The following PBX1 variants were observed in gnomAD, a reference collection of about 807,000 sequenced individuals.
The protein encoded by PBX1 is PBX homeobox 1, also known as pre-B-cell leukemia transcription factor 1.
A neutral mutation model predicts 53.4 loss-of-function variants in PBX1; 6 were observed. The observed-to-expected ratio is 0.11, with a 90% confidence interval of 0.06 to 0.22. The LOEUF is 0.22. PBX1 is among the 10% of genes least tolerant of loss of function. The pLI is 1.00. For missense variants in PBX1, 251 were observed against 551.4 expected, an observed-to-expected ratio of 0.46 and a Z score of 5.46; for synonymous variants, 204 against 212.3, an observed-to-expected ratio of 0.96 and a Z score of 0.34.
At chr1:164,827,365 C>T (rs1243094455) in intron 8 of PBX1, among the ~76,000 whole-genome samples, 2 of 152,142 alleles carry the variant, frequency 1.3e-5, no homozygotes. Context: ...CCCAGATGTG[C>T]CCCCCAGTTG....
chr1:164,767,118 C>G (rs1667098755), intron 2 of PBX1, among the ~76,000 whole-genome samples: 1 of 152,010 alleles, frequency 6.6e-6, no homozygotes, highest in Admixed American at 6.6e-5. Flanking sequence ...AGAGAATATG[C>G]CTTAACTGTG....
At chr1:164,602,648 G>A (rs1656253073) in intron 2 of PBX1, among the ~76,000 whole-genome samples, 1 of 150,340 alleles carries the variant, frequency 6.7e-6, no homozygotes, top group Admixed American at 6.6e-5. Context: ...CTCTTGACTG[G>A]CTGTTTATCT....
intron 2 of PBX1, among the ~76,000 whole-genome samples, chr1:164,884,894 A>G (rs540129691): frequency 2.5e-4 from 38 of 152,374 alleles, no homozygotes; most frequent in African/African-American, 9.1e-4. Flanking sequence ...AGCTAGGTAT[A>G]TATATGACAA....
chr1:164,643,253 C>T (rs1452587869), intron 2 of PBX1, among the ~76,000 whole-genome samples: 1 of 152,104 alleles, frequency 6.6e-6, no homozygotes, highest in Non-Finnish European at 1.5e-5. Context: ...TCCCTACCCC[C>T]GTGACAGGGT....
chr1:164,602,606 C>T (rs1462012886), intron 2 of PBX1, among the ~76,000 whole-genome samples: 7 of 151,856 alleles, frequency 4.6e-5, no homozygotes, highest in Non-Finnish European at 1.5e-5. Context: ...CCTACATGTA[C>T]CTGCACCCCA....
intron 2 of PBX1, among the ~76,000 whole-genome samples, chr1:164,611,382 C>T (rs546696920): frequency 3.3e-5 from 5 of 152,110 alleles, no homozygotes; most frequent in Admixed American, 6.6e-5. Flanking sequence ...GGACTACAGG[C>T]GCCCGCCACC....
intron 2 of PBX1, among the ~76,000 whole-genome samples, chr1:164,857,515 G>A (rs904538319): frequency 2.6e-5 from 4 of 152,144 alleles, no homozygotes; most frequent in African/African-American, 7.2e-5. Flanking sequence ...CATTGGTGAC[G>A]CAGGCTATAG....
At chr1:164,592,277 T>C (rs1655445111) in intron 2 of PBX1, among the ~76,000 whole-genome samples, 1 of 152,210 alleles carries the variant, frequency 6.6e-6, no homozygotes, top group African/African-American at 2.4e-5. Context: ...TCCCAGTATA[T>C]GTCCTAGGAA....
chr1:164,847,547 G>T lies in PBX1; in HGVS notation c.*871G>T, dbSNP rs142283079. 1.9e-4 allele frequency: 207 copies of T among 1,062,818 alleles called. 1 individual carries two copies. The African/African-American group carries it at 3.0e-3, about 15-fold the overall frequency. The allele number at this position is 1,062,818 out of a possible 1,614,324, so 65.8% of individuals were successfully genotyped here. On this transcript the variant is annotated 3_prime_UTR_variant, in exon 9 of 9. Coordinates refer to ENST00000420696, the MANE Select transcript of PBX1 (RefSeq NM_002585.4). The stretch of plus-strand genomic sequence containing the variant: ...CAAAACTGGGCCTGAGTTAGGCATG[G>T]TGATGAATGCATCAGCAAGGAATAG...
intron 2 of PBX1, among the ~76,000 whole-genome samples, chr1:164,696,499 G>A (rs1308640917): frequency 7.9e-5 from 12 of 152,180 alleles, no homozygotes; most frequent in South Asian, 2.1e-4. Flanking sequence ...CAGGATTGTC[G>A]TAGAGTTTGC....
intron 3 of PBX1, among the ~76,000 whole-genome samples, chr1:164,793,282 C>CT (rs1668615477): frequency 6.6e-6 from 1 of 152,158 alleles, no homozygotes; most frequent in African/African-American, 2.4e-5. Flanking sequence ...CGTATTCCCT[C>CT]TTTTACATAA....
chr1:164,707,448 AGAGAGAG>A (rs1571258905), intron 2 of PBX1, among the ~76,000 whole-genome samples: 153 of 150,276 alleles, frequency 1.0e-3, no homozygotes, highest in African/African-American at 2.6e-3. Context: ...AGAGAGAGAG[AGAGAGAG>A]AAAGTGCTGA....
Position 164,635,331 on chromosome 1 carries a change from G to C in PBX1, c.265+72020G>C, listed in dbSNP as rs137859285. Among the ~76,000 whole-genome samples the C allele has an allele frequency of 2.0e-5, 3 of 152,188 alleles. No homozygotes were observed. The East Asian group carries it at 5.8e-4, about 29-fold the overall frequency. On this transcript the variant is annotated intron_variant, in intron 2 of 8. Transcript: ENST00000420696. ...CTGTTTTAAAAAGTGGGGGGCGAGG[G>C]GGGAGGGAGGGGAACCAGGCTAAAC...
intron 2 of PBX1, among the ~76,000 whole-genome samples, chr1:164,859,883 T>G (rs1402808248): frequency 6.6e-6 from 1 of 152,206 alleles, no homozygotes; most frequent in Non-Finnish European, 1.5e-5. Context: ...TTTATCAATG[T>G]ACAAGCTTGG....
intron 2 of PBX1, among the ~76,000 whole-genome samples, chr1:164,676,218 C>T (rs1169000067): frequency 6.6e-6 from 1 of 152,082 alleles, no homozygotes; most frequent in Non-Finnish European, 1.5e-5. Flanking sequence ...GCTATATTTG[C>T]CCAGACCAAG....
At chr1:164,731,665 C>T (rs1027161989) in intron 2 of PBX1, among the ~76,000 whole-genome samples, 11 of 152,176 alleles carry the variant, frequency 7.2e-5, no homozygotes, top group Non-Finnish European at 1.3e-4. Context: ...CCTCTCTTTG[C>T]CTCCCATTCG....
At chr1:164,615,672 A>G (rs1411566027) in intron 2 of PBX1, among the ~76,000 whole-genome samples, 3 of 152,206 alleles carry the variant, frequency 2.0e-5, no homozygotes, top group Non-Finnish European at 2.9e-5. Context: ...AACGTGGCCA[A>G]AGTAACCAGA....
chr1:164,743,303 A>G (rs1447931200), intron 2 of PBX1, among the ~76,000 whole-genome samples: 2 of 152,152 alleles, frequency 1.3e-5, no homozygotes, highest in African/African-American at 2.4e-5. Flanking sequence ...TGACTCTGAC[A>G]TGTTGAATTG....
chr1:164,838,992 G>C (rs1249694909), intron 8 of PBX1, among the ~76,000 whole-genome samples: 2 of 152,148 alleles, frequency 1.3e-5, no homozygotes, highest in African/African-American at 4.8e-5. Context: ...GCAAGTCTGG[G>C]CATGGCTAAG....
Sources: gnomAD v4.1 joint callset for allele counts (sites outside exome capture counted in the v4.1 genomes callset) on GRCh38, gnomAD v4.1.1 for gene constraint, MANE v1.5 for transcripts, NCBI Gene and HGNC (gene_info 2026-07-23, HGNC 2026-07-21) for gene names.